Variants in IMPG1 observed in about 807,000 individuals in gnomAD.
IMPG1 encodes the protein interphotoreceptor matrix proteoglycan 1.
IMPG1 carries 85 observed loss-of-function variants against 92.0 expected under a neutral mutation model. The ratio of observed to expected loss-of-function variants is 0.92; its 90% CI spans 0.78 to 1.11. IMPG1 has a LOEUF of 1.11. Among genes scored for constraint, IMPG1 ranks in the 50% least tolerant of loss-of-function variants. The pLI, the probability that IMPG1 is intolerant of heterozygous loss-of-function variation, is 0.00. For missense variants in IMPG1, 1,022 were observed against 956.0 expected, an observed-to-expected ratio of 1.07 and a Z score of -0.91; for synonymous variants, 367 against 334.1, an observed-to-expected ratio of 1.10 and a Z score of -1.08.
chr6:75,974,369 TTC>T (rs1491054445), intron 12 of IMPG1, among the ~76,000 whole-genome samples: 9 of 121,284 alleles, frequency 7.4e-5, no homozygotes, highest in African/African-American at 9.2e-5. Context: ...CTTTCTTTCT[TTC>T]TTTCTTTCTT....
intron 1 of IMPG1, among the ~76,000 whole-genome samples, chr6:76,054,322 G>T (rs1459212416): frequency 2.0e-5 from 3 of 152,000 alleles, no homozygotes; most frequent in African/African-American, 7.2e-5. Context: ...GAATTGGATT[G>T]CCTGATTTAG....
intron 5 of IMPG1, 144 bp downstream of exon 5, chr6:76,025,050 A>G: frequency 1.5e-6 from 1 of 657,508 alleles, no homozygotes. Context: ...AATTTAAATT[A>G]TGTTATAAAG....
chr6:75,957,894 A>T (rs1782155355), intron 12 of IMPG1, among the ~76,000 whole-genome samples: 1 of 152,162 alleles, frequency 6.6e-6, no homozygotes, highest in Non-Finnish European at 1.5e-5. Flanking sequence ...TGGGGCATTT[A>T]GCCTGTTTAC....
intron 12 of IMPG1, among the ~76,000 whole-genome samples, chr6:75,969,090 G>C (rs75280256): frequency 0.12 from 17,731 of 152,056 alleles, 1,165 homozygotes; most frequent in East Asian, 0.23. Flanking sequence ...CTTATATGTG[G>C]AATCTACAAA....
chr6:76,064,433 G>A (rs538160342), intron 1 of IMPG1, among the ~76,000 whole-genome samples: 2 of 148,688 alleles, frequency 1.3e-5, no homozygotes, highest in East Asian at 2.0e-4. Context: ...AGTGGTGTCT[G>A]TACAATCTGA....
In IMPG1 at chr6:76,030,446, A is replaced by G. The variant is rs1783633940; in HGVS notation, c.497+3869T>C. On this transcript the variant is annotated intron_variant, in intron 4 of 16. Transcript: ENST00000369950. ...TGTACCCCTTTCAAATGCATCCTGA[A>G]CCCCTGGGAATCCTTTAAAAAATGC... 4.6e-5 allele frequency among the ~76,000 whole-genome samples: 7 copies of G among 152,048 alleles called. No homozygotes were observed. In the South Asian group the frequency reaches 1.5e-3, roughly 32 times the overall value.
intron 12 of IMPG1, among the ~76,000 whole-genome samples, chr6:75,958,626 T>C (rs920969880): frequency 3.9e-5 from 6 of 151,966 alleles, no homozygotes; most frequent in African/African-American, 9.7e-5. Flanking sequence ...ATTCATTGAG[T>C]TGATCTTCAA....
rs2149456122 is a variant in IMPG1 at position 75,947,382 on chromosome 6, T to A, written c.1976A>T (p.Asp659Val). The A allele has an allele frequency of 6.2e-7, 1 of 1,613,960 alleles. No homozygotes were observed. The change falls in exon 14 of 17, where the codon GAT becomes GTT. Residue 659 changes from aspartate (D) to valine (V), a missense_variant. Coordinates refer to ENST00000369950, the MANE Select transcript of IMPG1 (RefSeq NM_001563.4). Reference sequence around the variant, plus strand: ...TTGTTGGGCTGCAGCAGAACGAAAATCCTCCAAGACCCCGTGCACAGCCTT... The same window carrying A: ...TTGTTGGGCTGCAGCAGAACGAAAAACCTCCAAGACCCCGTGCACAGCCTT... The part of the protein sequence containing the change: ...LTKAVHGVLE[D>V]FRSAAAQQLH...
At chr6:75,971,139 T>TA (rs1268950594) in intron 12 of IMPG1, among the ~76,000 whole-genome samples, 1 of 151,980 alleles carries the variant, frequency 6.6e-6, no homozygotes, top group Admixed American at 6.6e-5. Flanking sequence ...TATGCAGCCA[T>TA]AAAAAATGAT....
Position 75,975,553 on chromosome 6 carries a change from G to A in IMPG1, c.1292-24459C>T, listed in dbSNP as rs139522739. ...TTTACAACTCCACAAACTATAAAAA[G>A]CTAATGGTAATGCAAATAATTCAAT... is the stretch of plus-strand genomic sequence containing the variant. On this transcript the variant is annotated intron_variant, in intron 12 of 16. Coordinates refer to ENST00000369950, the MANE Select transcript of IMPG1 (RefSeq NM_001563.4). Among the ~76,000 whole-genome samples, 633 of 152,254 alleles carry A rather than the reference G, an allele frequency of 4.2e-3. 10 individuals carry two copies. The highest frequency in any genetic ancestry group is 0.015 in the African/African-American group (608 of 41,542).
At chr6:76,023,888 C>A (rs978402772) in intron 5 of IMPG1, among the ~76,000 whole-genome samples, 2 of 152,092 alleles carry the variant, frequency 1.3e-5, no homozygotes, top group Non-Finnish European at 2.9e-5. Flanking sequence ...ATACAAATTT[C>A]AATTCTCTTA....
At chr6:75,924,664 AATAAATTATATATT>A (rs1781507574) in intron 15 of IMPG1, among the ~76,000 whole-genome samples, 4 of 2,702 alleles carry the variant, frequency 1.5e-3, no homozygotes, top group African/African-American at 2.7e-3. Flanking sequence ...TATAATATAT[AATAAATTATATATT>A]ATATATTATA....
intron 12 of IMPG1, among the ~76,000 whole-genome samples, chr6:75,976,735 C>T (rs1286668577): frequency 2.6e-5 from 4 of 151,798 alleles, no homozygotes; most frequent in African/African-American, 9.7e-5. Context: ...CACGGTGAAA[C>T]CTCGTCTCTA....
chr6:76,007,582 T>A, intron 8 of IMPG1, 82 bp from the exon 9 acceptor site: 1 of 955,656 alleles, frequency 1.0e-6, no homozygotes, highest in Non-Finnish European at 1.6e-6. Context: ...ATGAATTATT[T>A]TATATACAAA....
At chr6:75,996,147 A>T (rs1353008898) in intron 12 of IMPG1, among the ~76,000 whole-genome samples, 1 of 152,218 alleles carries the variant, frequency 6.6e-6, no homozygotes, top group Non-Finnish European at 1.5e-5. Flanking sequence ...ACGGTTTCCC[A>T]TCTAAAGATG....
chr6:75,966,441 G>A (rs1404318420), intron 12 of IMPG1, among the ~76,000 whole-genome samples: 1 of 152,062 alleles, frequency 6.6e-6, no homozygotes, highest in Non-Finnish European at 1.5e-5. Context: ...GTTATAAAAG[G>A]CAGTTTGACC....
chr6:75,960,735 C>A (rs1782201726), intron 12 of IMPG1, among the ~76,000 whole-genome samples: 1 of 152,170 alleles, frequency 6.6e-6, no homozygotes, highest in South Asian at 2.1e-4. Flanking sequence ...AGTAGTGACA[C>A]AGACCAGTCC....
chr6:75,924,665 A>T (rs1288537307), intron 15 of IMPG1, among the ~76,000 whole-genome samples: 1 of 960 alleles, frequency 1.0e-3, no homozygotes, highest in African/African-American at 1.1e-3. Flanking sequence ...ATAATATATA[A>T]TAAATTATAT....
chr6:75,977,903 G>T (rs1437126970), intron 12 of IMPG1, among the ~76,000 whole-genome samples: 4 of 151,968 alleles, frequency 2.6e-5, no homozygotes, highest in Non-Finnish European at 5.9e-5. Context: ...CTTAAAAAGT[G>T]CTTCCATATA....
Sources: allele counts gnomAD v4.1 joint callset (sites outside exome capture counted in the v4.1 genomes callset), GRCh38; gene constraint gnomAD v4.1.1; transcripts MANE v1.5; gene names NCBI Gene and HGNC (gene_info 2026-07-23, HGNC 2026-07-21).